Variants in FSTL4 observed in about 807,000 individuals in gnomAD.
The protein encoded by FSTL4 is follistatin like 4, also known as follistatin-related protein 4.
Under a neutral mutation model 78.2 loss-of-function variants are expected in FSTL4, and 28 were observed. That is an observed-to-expected ratio of 0.36 (90% CI 0.27 to 0.49). The LOEUF is 0.49. FSTL4 is among the 20% of genes least tolerant of loss of function. The pLI is 0.98. For synonymous variants in FSTL4, 422 were observed against 440.5 expected (o/e 0.96, Z 0.53); for missense variants, 922 against 1,084.9 (o/e 0.85, Z 2.11).
chr5:133,732,689 C>T, the FSTL4 span, among the ~76,000 whole-genome samples: 1 of 152,192 alleles, frequency 6.6e-6, no homozygotes, highest in Non-Finnish European at 1.5e-5. Flanking sequence ...CCTGCGCTTG[C>T]CCACTACCAC....
chr5:133,817,972 T>A, the FSTL4 span, among the ~76,000 whole-genome samples: 1 of 152,198 alleles, frequency 6.6e-6, no homozygotes, highest in Non-Finnish European at 1.5e-5. Flanking sequence ...TCCAGTAGAA[T>A]CTGGATTCAA....
At chr5:133,274,379 G>GATTTTTTTTTTTTTTTTTTTT (rs1581585395) in intron 6 of FSTL4, among the ~76,000 whole-genome samples, 1 of 4,518 alleles carries the variant, frequency 2.2e-4, no homozygotes, top group Non-Finnish European at 4.2e-4. Flanking sequence ...GGCAATCTGT[G>GATTTTTTTTTTTTTTTTTTTT]CTTTTTTTTT....
At chr5:133,662,525 T>G in the FSTL4 span, among the ~76,000 whole-genome samples, 3 of 151,660 alleles carry the variant, frequency 2.0e-5, no homozygotes, top group Non-Finnish European at 4.4e-5. Flanking sequence ...CTGTTGTCCC[T>G]GCCAAAATGT....
chr5:133,525,077 C>A (rs1400167213), intron 3 of FSTL4, among the ~76,000 whole-genome samples: 2 of 152,204 alleles, frequency 1.3e-5, no homozygotes, highest in African/African-American at 4.8e-5. Context: ...GGTGCCCCAG[C>A]CTTTCCGCTG....
the FSTL4 span, among the ~76,000 whole-genome samples, chr5:133,809,175 G>A: frequency 7.2e-5 from 11 of 151,870 alleles, no homozygotes; most frequent in Admixed American, 3.9e-4. Context: ...AGACCGGCCT[G>A]GCCAACATGG....
chr5:133,793,714 G>A, the FSTL4 span, among the ~76,000 whole-genome samples: 6 of 152,202 alleles, frequency 3.9e-5, no homozygotes, highest in East Asian at 1.9e-4. Context: ...CTCACATCTC[G>A]CGGCAACCCC....
At chr5:133,358,669 A>G (rs1286696699) in intron 4 of FSTL4, among the ~76,000 whole-genome samples, 2 of 139,862 alleles carry the variant, frequency 1.4e-5, no homozygotes, top group East Asian at 4.1e-4. Flanking sequence ...GCGCGATCTC[A>G]GTTCACTGCA....
the FSTL4 span, among the ~76,000 whole-genome samples, chr5:133,788,007 G>T: frequency 6.6e-6 from 1 of 152,204 alleles, no homozygotes; most frequent in Non-Finnish European, 1.5e-5. Context: ...ACTCTGTCTG[G>T]CACCCTGCTT....
intron 4 of FSTL4, among the ~76,000 whole-genome samples, chr5:133,386,073 G>A (rs1050623210): frequency 6.6e-6 from 1 of 152,190 alleles, no homozygotes; most frequent in African/African-American, 2.4e-5. Flanking sequence ...AAACCTCTGT[G>A]AGCCTCAGTT....
chr5:133,815,946 T>C, the FSTL4 span, among the ~76,000 whole-genome samples: 1 of 152,280 alleles, frequency 6.6e-6, no homozygotes, highest in African/African-American at 2.4e-5. Flanking sequence ...CAGCCTGACA[T>C]TTACAAAGAC....
the FSTL4 span, among the ~76,000 whole-genome samples, chr5:133,625,448 T>C: frequency 1.3e-5 from 2 of 151,496 alleles, 1 homozygote; most frequent in South Asian, 4.2e-4. Context: ...CTATAGAGTC[T>C]GTAATAATAG....
the FSTL4 span, among the ~76,000 whole-genome samples, chr5:133,696,024 A>T: frequency 6.6e-6 from 1 of 152,234 alleles, no homozygotes; most frequent in Admixed American, 6.5e-5. Context: ...AAACTCTGGG[A>T]AAGAGTCTGT....
chr5:133,558,822 AC>A (rs1185975834), intron 3 of FSTL4, among the ~76,000 whole-genome samples: 2 of 152,048 alleles, frequency 1.3e-5, no homozygotes, highest in Non-Finnish European at 2.9e-5. Flanking sequence ...CAACTTGTAC[AC>A]CTTGGAAGCC....
the FSTL4 span, among the ~76,000 whole-genome samples, chr5:133,765,646 G>C: frequency 1.3e-5 from 2 of 152,194 alleles, no homozygotes; most frequent in African/African-American, 4.8e-5. Flanking sequence ...ATGGCAGGAA[G>C]GGAGGAGAGG....
the FSTL4 span, among the ~76,000 whole-genome samples, chr5:133,681,115 A>G: frequency 1.3e-5 from 2 of 152,208 alleles, no homozygotes; most frequent in African/African-American, 4.8e-5. Context: ...TGCAGCACCA[A>G]TCTCCTGGAG....
the FSTL4 span, among the ~76,000 whole-genome samples, chr5:133,800,276 G>A: frequency 3.6e-5 from 5 of 138,260 alleles, 2 homozygotes; most frequent in African/African-American, 8.0e-5. Flanking sequence ...GGAGGGGACA[G>A]GGAGGAACCA....
the FSTL4 span, among the ~76,000 whole-genome samples, chr5:133,836,041 AC>A: frequency 3.3e-5 from 5 of 152,266 alleles, no homozygotes; most frequent in Non-Finnish European, 5.9e-5. Flanking sequence ...AGTAAAAGTT[AC>A]TTTTTCTCCT....
chr5:133,348,495 C>G (rs886734560), intron 4 of FSTL4, among the ~76,000 whole-genome samples: 8 of 152,324 alleles, frequency 5.3e-5, no homozygotes, highest in African/African-American at 1.7e-4. Context: ...AGATCATAAC[C>G]CCATAGGAGT....
chr5:133,249,635 T>C, intron 6 of FSTL4, 59 bp from the exon 7 acceptor site: 1 of 1,369,576 alleles, frequency 7.3e-7, no homozygotes, highest in Non-Finnish European at 1.0e-6. Context: ...GAGTCTCAAC[T>C]CAAGGTGAAT....
Sources: allele counts gnomAD v4.1 joint callset (sites outside exome capture counted in the v4.1 genomes callset), GRCh38; gene constraint gnomAD v4.1.1; transcripts MANE v1.5; gene names NCBI Gene and HGNC (gene_info 2026-07-23, HGNC 2026-07-21).